NPAS2: variants seen among roughly 807,000 people sequenced by gnomAD.
NPAS2 encodes neuronal PAS domain protein 2, also known as neuronal PAS domain-containing protein 2.
In NPAS2, 23 loss-of-function variants were observed where a neutral mutation model predicts 107.5. The observed-to-expected ratio is 0.21, with a 90% CI of 0.15 to 0.30. The LOEUF is 0.30. NPAS2 is among the 10% of genes least tolerant of loss of function. The pLI is 1.00. For missense variants in NPAS2, 756 were observed against 1,043.3 expected, an observed-to-expected ratio of 0.72 and a Z score of 3.79; for synonymous variants, 403 against 417.5, an observed-to-expected ratio of 0.97 and a Z score of 0.42.
rs1558927209 is a variant in NPAS2 at position 100,973,395 on chromosome 2, G to A, written c.1141-1408G>A. On this transcript the variant is annotated intron_variant, in intron 12 of 20. Transcript: ENST00000335681. ...TCAAGGTTCCTCCGGGCTTATTCTCGCTTCCTGGACCGACTTCTCTGCTGA... is the reference window on the plus strand; with the variant it reads ...TCAAGGTTCCTCCGGGCTTATTCTCACTTCCTGGACCGACTTCTCTGCTGA... Among the ~76,000 whole-genome samples, 8 of 152,130 alleles carry A rather than the reference G, an allele frequency of 5.3e-5. No individual in the cohort carries two copies. In the South Asian group the frequency reaches 8.3e-4, roughly 16 times the overall value.
At chr2:100,964,496 G>T (rs767082908) in intron 8 of NPAS2, among the ~76,000 whole-genome samples, 1 of 152,200 alleles carries the variant, frequency 6.6e-6, no homozygotes, top group African/African-American at 2.4e-5. Flanking sequence ...GTGTTGGAGC[G>T]CTGGGGGTTT....
At chr2:100,961,839 A>G (rs1003770578) in intron 7 of NPAS2, among the ~76,000 whole-genome samples, 1 of 152,204 alleles carries the variant, frequency 6.6e-6, no homozygotes, top group Non-Finnish European at 1.5e-5. Context: ...GTTTAGAGAT[A>G]GATTAAGGGG....
intron 16 of NPAS2, chr2:100,986,802 A>G (rs1315480896): frequency 1.3e-5 from 2 of 152,244 alleles, no homozygotes; most frequent in East Asian, 3.8e-4. Flanking sequence ...GATTGTGAAT[A>G]ATCAACATTA....
intron 15 of NPAS2, among the ~76,000 whole-genome samples, chr2:100,981,503 G>C (rs936817695): frequency 3.9e-5 from 6 of 152,128 alleles, no homozygotes; most frequent in Non-Finnish European, 8.8e-5. Context: ...AGTTTCCTAA[G>C]GCCAGCCTCC....
chr2:100,919,263 C>T (rs1683075787), intron 2 of NPAS2, among the ~76,000 whole-genome samples: 1 of 152,140 alleles, frequency 6.6e-6, no homozygotes, highest in South Asian at 2.1e-4. Context: ...AGAGAGCTCT[C>T]TCTCGTCTTG....
chr2:100,879,445 C>T (rs1288201897), intron 1 of NPAS2, among the ~76,000 whole-genome samples: 1 of 152,146 alleles, frequency 6.6e-6, no homozygotes, highest in Admixed American at 6.5e-5. Flanking sequence ...TGCTGACCCC[C>T]CCTCACCTGC....
At position 100,990,253 on chromosome 2, in the gene NPAS2, C is replaced by T. The variant is rs1212543692; in HGVS notation, c.1828-3C>T. On this transcript the variant is annotated splice_polypyrimidine_tract_variant and splice_region_variant and intron_variant, in intron 17 of 20. Transcript: ENST00000335681. Reference sequence around the variant, plus strand: ...TACCTTTCTCATTGAAATGATGCTCCAGGGTCCAAAGCCAATGAGAAGCTC... The same window carrying T: ...TACCTTTCTCATTGAAATGATGCTCTAGGGTCCAAAGCCAATGAGAAGCTC... 3 of 1,613,478 alleles carry T rather than the reference C, an allele frequency of 1.9e-6. No individual in the cohort carries two copies. The highest frequency in any genetic ancestry group is 1.7e-5 in the Admixed American group (1 of 59,996).
At position 100,862,068 on chromosome 2, in the gene NPAS2, G is replaced by A. The variant is rs76376883; in HGVS notation, c.-23+41654G>A. Among the ~76,000 whole-genome samples, 461 of 152,228 alleles carry A rather than the reference G, an allele frequency of 3.0e-3. 24 individuals carry two copies. The East Asian group carries it at 0.085, about 28-fold the overall frequency. The stretch of plus-strand genomic sequence containing the variant: ...ATGTCAAAATTAAAATTGATAAGGG[G>A]TAATTAAAAATAGATTGTGGATAAA... On this transcript the variant is annotated intron_variant, in intron 1 of 20. Transcript: ENST00000335681.
intron 1 of NPAS2, among the ~76,000 whole-genome samples, chr2:100,832,310 T>C (rs1676792235): frequency 1.3e-5 from 2 of 152,070 alleles, no homozygotes; most frequent in Admixed American, 1.3e-4. Context: ...CCTGGGCAGG[T>C]CATTCATCAT....
At chr2:100,824,553 A>C (rs1276834504) in intron 1 of NPAS2, among the ~76,000 whole-genome samples, 1 of 152,042 alleles carries the variant, frequency 6.6e-6, no homozygotes, top group East Asian at 1.9e-4. Flanking sequence ...CTGTCTTTCC[A>C]CCATAGTACG....
chr2:100,866,200 A>G (rs1679242243), intron 1 of NPAS2, among the ~76,000 whole-genome samples: 1 of 152,192 alleles, frequency 6.6e-6, no homozygotes, highest in South Asian at 2.1e-4. Flanking sequence ...GGGAGAGAAC[A>G]GTTGATCAGG....
intron 2 of NPAS2, among the ~76,000 whole-genome samples, chr2:100,911,606 T>G (rs1682552063): frequency 6.6e-6 from 1 of 152,066 alleles, no homozygotes; most frequent in Admixed American, 6.5e-5. Context: ...TAGCATATTC[T>G]CTGTCAGCCT....
Position 100,995,727 on chromosome 2 carries a change from C to T in NPAS2, c.*145C>T. On this transcript the variant is annotated 3_prime_UTR_variant, in exon 21 of 21. Coordinates refer to ENST00000335681, the MANE Select transcript of NPAS2 (RefSeq NM_002518.4). ...TTCAGAACTCCTGGATGGTAACCAT[C>T]TCTGGAGTGCAGCGCTTGCTGCAGT... 1.1e-5 allele frequency: 17 copies of T among 1,549,730 alleles called. No individual in the cohort carries two copies. The highest frequency in any genetic ancestry group is 1.2e-5 in the Non-Finnish European group (14 of 1,147,016).
At chr2:100,900,584 C>T (rs916121915) in intron 1 of NPAS2, among the ~76,000 whole-genome samples, 29 of 152,142 alleles carry the variant, frequency 1.9e-4, no homozygotes, top group African/African-American at 2.2e-4. Context: ...CCAAGAGGAA[C>T]GAGTGCTTAT....
intron 16 of NPAS2, chr2:100,985,135 T>TTCCTTCCATCCAGCCATCATCTATCCA (rs1315086887): frequency 1.3e-5 from 2 of 152,264 alleles, no homozygotes; most frequent in Non-Finnish European, 2.9e-5. Flanking sequence ...CTATCCATCC[T>TTCCTTCCATCCAGCCATCATCTATCCA]TCCTTCCATC....
Position 100,933,096 on chromosome 2 carries a change from C to T in NPAS2, c.273+95C>T. ...CCTGTACCCAAAGGAAACTACTGTT[C>T]TTGATCCTGGGAAGACTTGACTTTG... On this transcript the variant is annotated intron_variant, in intron 4 of 20. Transcript: ENST00000335681. 3 of 898,596 alleles carry T rather than the reference C, an allele frequency of 3.3e-6. No individual in the cohort carries two copies. In the South Asian group the frequency reaches 4.4e-5, roughly 13 times the overall value. The allele number at this position is 898,596 out of a possible 1,614,324, so 55.7% of individuals were successfully genotyped here. A position where few individuals can be genotyped will look rare whatever the true frequency, so the allele number is the denominator to read the frequency against.
At chr2:100,827,864 G>A (rs576284704) in intron 1 of NPAS2, among the ~76,000 whole-genome samples, 1 of 152,304 alleles carries the variant, frequency 6.6e-6, no homozygotes, top group Admixed American at 6.5e-5. Context: ...ATAGTGCTGT[G>A]ATGAACATGT....
intron 11 of NPAS2, among the ~76,000 whole-genome samples, chr2:100,969,546 T>G (rs2105185815): frequency 6.6e-6 from 1 of 152,346 alleles, no homozygotes; most frequent in East Asian, 1.9e-4. Flanking sequence ...TTCTGTTTTA[T>G]GGCTGCATAG....
intron 1 of NPAS2, among the ~76,000 whole-genome samples, chr2:100,893,815 A>G (rs1245930747): frequency 2.0e-5 from 3 of 152,228 alleles, no homozygotes; most frequent in African/African-American, 7.2e-5. Context: ...GCATTGCACT[A>G]TAATGGCAGA....
Sources: allele counts gnomAD v4.1 joint callset (sites outside exome capture counted in the v4.1 genomes callset), GRCh38; gene constraint gnomAD v4.1.1; transcripts MANE v1.5; gene names NCBI Gene and HGNC (gene_info 2026-07-23, HGNC 2026-07-21).